PALM2AKAP2: variants seen among roughly 807,000 people sequenced by gnomAD.
The protein encoded by PALM2AKAP2 is PALM2-AKAP2 fusion protein.
In PALM2AKAP2, 37 loss-of-function variants were observed where a neutral mutation model predicts 71.5. The observed-to-expected ratio is 0.52, with a 90% CI of 0.40 to 0.68. The LOEUF (loss-of-function observed/expected upper bound fraction) is 0.68. Among genes scored for constraint, PALM2AKAP2 ranks in the 30% least tolerant of loss-of-function variants. The pLI, the probability that PALM2AKAP2 is intolerant of heterozygous loss-of-function variation, is 0.00. For missense variants in PALM2AKAP2, 1,224 were observed against 1,191.8 expected (o/e 1.03, Z -0.40); for synonymous variants, 468 against 478.8 (o/e 0.98, Z 0.29).
At chr9:109,990,092 G>A (rs1219025047) in intron 6 of PALM2AKAP2, among the ~76,000 whole-genome samples, 2 of 120,718 alleles carry the variant, frequency 1.7e-5, no homozygotes, top group Non-Finnish European at 3.4e-5. Context: ...TTTCTTTTGT[G>A]GCAGGGTCTC....
At chr9:109,911,004 A>G (rs1830556212) in intron 3 of PALM2AKAP2, among the ~76,000 whole-genome samples, 1 of 152,184 alleles carries the variant, frequency 6.6e-6, no homozygotes, top group Admixed American at 6.5e-5. Flanking sequence ...CATCTTGGAG[A>G]GAGGTGAAGA....
rs150766946 is a variant in PALM2AKAP2, at chr9:110,112,989, C to T, written c.157-23138C>T. Among the ~76,000 whole-genome samples the T allele has an allele frequency of 8.3e-3, 1,269 of 152,356 alleles. 5 individuals carry two copies. Among genetic ancestry groups the T allele is most frequent in the South Asian group, 0.022 (105 of 4,830 alleles). On this transcript the variant is annotated intron_variant, in intron 1 of 3. Transcript: ENST00000374525. Reference sequence around the variant, plus strand: ...AGTTGCTAATGCCTTTGAGGACTCTCGGGCTCTTTGTTCCTTCTCCAGTTT... The same window carrying T: ...AGTTGCTAATGCCTTTGAGGACTCTTGGGCTCTTTGTTCCTTCTCCAGTTT...
chr9:109,779,272 T>C (rs1829395415), upstream of PALM2AKAP2, among the ~76,000 whole-genome samples: 1 of 152,210 alleles, frequency 6.6e-6, no homozygotes, highest in African/African-American at 2.4e-5. Context: ...ATCCACTTCT[T>C]ACATCCAGTC....
chr9:109,652,429 C>T (rs756916487), intron 1 of PALM2AKAP2, among the ~76,000 whole-genome samples: 1 of 152,174 alleles, frequency 6.6e-6, no homozygotes, highest in Non-Finnish European at 1.5e-5. Flanking sequence ...CACCTTCTGC[C>T]GTGAGTGGAA....
intron 3 of PALM2AKAP2, among the ~76,000 whole-genome samples, chr9:109,899,128 C>G (rs1830273404): frequency 6.6e-6 from 1 of 151,814 alleles, no homozygotes; most frequent in African/African-American, 2.4e-5. Context: ...GCCAACTGCC[C>G]CCTAACCATA....
intron 1 of PALM2AKAP2, among the ~76,000 whole-genome samples, chr9:109,792,073 A>G (rs1420068132): frequency 1.3e-5 from 2 of 152,168 alleles, no homozygotes; most frequent in Non-Finnish European, 2.9e-5. Flanking sequence ...TTGGTACAGT[A>G]TAAAGCTATG....
chr9:109,855,135 C>T (rs1185205539), intron 1 of PALM2AKAP2, among the ~76,000 whole-genome samples: 9 of 151,834 alleles, frequency 5.9e-5, no homozygotes, highest in Admixed American at 5.2e-4. Flanking sequence ...TGCAGTGGCA[C>T]AATCTCAGCT....
At chr9:110,057,157 A>G (rs1833859888) in intron 1 of PALM2AKAP2, among the ~76,000 whole-genome samples, 1 of 152,102 alleles carries the variant, frequency 6.6e-6, no homozygotes, top group African/African-American at 2.4e-5. Context: ...TTTTAGAGAC[A>G]GGGTCTCTCC....
At chr9:109,655,563 G>T (rs759256788) in intron 1 of PALM2AKAP2, among the ~76,000 whole-genome samples, 3 of 151,964 alleles carry the variant, frequency 2.0e-5, no homozygotes, top group Admixed American at 6.6e-5. Flanking sequence ...CATCATCCCA[G>T]ACTGAAACTC....
At chr9:109,719,415 A>T (rs914190415) in intron 1 of PALM2AKAP2, among the ~76,000 whole-genome samples, 2 of 152,184 alleles carry the variant, frequency 1.3e-5, no homozygotes, top group African/African-American at 2.4e-5. Flanking sequence ...TGATGTCTTC[A>T]CTTGTAAATA....
chr9:110,005,247 C>T (rs140095654), intron 6 of PALM2AKAP2, among the ~76,000 whole-genome samples: 2,723 of 152,318 alleles, frequency 0.018, 65 homozygotes, highest in Middle Eastern at 0.051. Flanking sequence ...TTCTAACAGT[C>T]AGGACCCTCA....
chr9:109,957,033 A>T (rs148839507), intron 6 of PALM2AKAP2, among the ~76,000 whole-genome samples: 387 of 152,338 alleles, frequency 2.5e-3, no homozygotes, highest in African/African-American at 8.5e-3. Flanking sequence ...GGTGACTTCA[A>T]ATTCTTTCCA....
chr9:109,876,142 T>A (rs1046073174), intron 2 of PALM2AKAP2, among the ~76,000 whole-genome samples: 1 of 152,210 alleles, frequency 6.6e-6, no homozygotes, highest in Non-Finnish European at 1.5e-5. Context: ...GAGAAAAGTT[T>A]TTTTTAATTT....
intron 1 of PALM2AKAP2, among the ~76,000 whole-genome samples, chr9:110,072,154 A>G (rs1022620914): frequency 6.6e-6 from 1 of 152,232 alleles, no homozygotes; most frequent in Non-Finnish European, 1.5e-5. Flanking sequence ...CTACATTCCA[A>G]TATAAAGCAA....
chr9:109,998,303 G>A (rs1429846037), intron 6 of PALM2AKAP2, among the ~76,000 whole-genome samples: 1 of 152,150 alleles, frequency 6.6e-6, no homozygotes, highest in African/African-American at 2.4e-5. Context: ...TTCCAACTCA[G>A]AGCCTTGTAT....
chr9:109,957,246 C>T (rs1362891831), intron 6 of PALM2AKAP2, among the ~76,000 whole-genome samples: 1 of 152,122 alleles, frequency 6.6e-6, no homozygotes, highest in Non-Finnish European at 1.5e-5. Flanking sequence ...GTTAATTGAG[C>T]AAAGTTACGT....
intron 1 of PALM2AKAP2, among the ~76,000 whole-genome samples, chr9:109,809,931 C>T (rs1470835161): frequency 6.6e-6 from 1 of 152,178 alleles, no homozygotes; most frequent in African/African-American, 2.4e-5. Flanking sequence ...TCCCCTTCTG[C>T]CAGGATTGTG....
chr9:109,742,539 A>G (rs1051519601), intron 1 of PALM2AKAP2, among the ~76,000 whole-genome samples: 1 of 151,960 alleles, frequency 6.6e-6, no homozygotes, highest in African/African-American at 2.4e-5. Flanking sequence ...AGTACATGTG[A>G]TGTTCTCTTT....
intron 7 of PALM2AKAP2, among the ~76,000 whole-genome samples, chr9:110,040,925 A>G (rs1833501935): frequency 6.6e-6 from 1 of 152,180 alleles, no homozygotes; most frequent in African/African-American, 2.4e-5. Context: ...ATGCTTAAAG[A>G]GTACCTTGTT....
Sources: gnomAD v4.1 joint callset for allele counts (sites outside exome capture counted in the v4.1 genomes callset) on GRCh38, gnomAD v4.1.1 for gene constraint, MANE v1.5 for transcripts, NCBI Gene and HGNC (gene_info 2026-07-23, HGNC 2026-07-21) for gene names.